DCLK2: variants seen among roughly 807,000 people sequenced by gnomAD.
DCLK2 encodes the protein doublecortin like kinase 2.
Under a neutral mutation model 78.4 loss-of-function variants are expected in DCLK2, and 31 were observed. The ratio of observed to expected loss-of-function variants is 0.40; its 90% CI spans 0.30 to 0.53. The LOEUF (loss-of-function observed/expected upper bound fraction) is 0.53. Among genes scored for constraint, DCLK2 ranks in the 20% least tolerant of loss-of-function variants. DCLK2 has a pLI of 0.61. For synonymous variants in DCLK2, 407 were observed against 374.9 expected (o/e 1.09, Z -0.99); for missense variants, 872 against 973.7 (o/e 0.90, Z 1.39).
At chr4:150,176,093 CCTTG>C (rs1401082535) in intron 2 of DCLK2, among the ~76,000 whole-genome samples, 1 of 152,182 alleles carries the variant, frequency 6.6e-6, no homozygotes, top group African/African-American at 2.4e-5. Flanking sequence ...ATGTTCGAAT[CCTTG>C]CTTCTGTGCT....
At chr4:150,213,216 C>A (rs1281578689) in intron 5 of DCLK2, among the ~76,000 whole-genome samples, 1 of 152,162 alleles carries the variant, frequency 6.6e-6, no homozygotes, top group Non-Finnish European at 1.5e-5. Flanking sequence ...CACACTGCCC[C>A]TTTGATAGAC....
At chr4:150,246,889 G>A (rs1224058965) in intron 12 of DCLK2, among the ~76,000 whole-genome samples, 5 of 152,140 alleles carry the variant, frequency 3.3e-5, no homozygotes, top group Non-Finnish European at 1.5e-5. Flanking sequence ...GCCTCAGCCT[G>A]TGCCATTCTG....
Position 150,256,391 on chromosome 4 carries a change from C to G in DCLK2, c.*144C>G. 1.7e-5 allele frequency: 20 copies of G among 1,145,850 alleles called. No individual in the cohort carries two copies. Among genetic ancestry groups the G allele is most frequent in the Non-Finnish European group, 2.1e-5 (18 of 842,472 alleles). 71.0% of individuals were successfully genotyped at this position (1,145,850 alleles called of 1,614,324 possible). ...GGTCCTCCGCAGGCCGCCTGGGAAC[C>G]GGAGCCTGGCGTGCCGGAGCCTGGC... On this transcript the variant is annotated 3_prime_UTR_variant, in exon 16 of 16. Transcript: ENST00000296550.
intron 2 of DCLK2, among the ~76,000 whole-genome samples, chr4:150,159,537 G>A (rs138872524): frequency 0.016 from 2,381 of 152,322 alleles, 120 homozygotes; most frequent in Admixed American, 0.057. Flanking sequence ...GGCATGTGGT[G>A]GGGGTGTAGT....
At chr4:150,119,545 T>TC (rs772213652) in intron 2 of DCLK2, among the ~76,000 whole-genome samples, 5 of 152,240 alleles carry the variant, frequency 3.3e-5, no homozygotes, top group Non-Finnish European at 7.3e-5. Flanking sequence ...TGCACGCACT[T>TC]CATTTGTTTT....
chr4:150,239,329 A>T (rs1426359392), intron 10 of DCLK2, among the ~76,000 whole-genome samples: 1 of 152,144 alleles, frequency 6.6e-6, no homozygotes, highest in Non-Finnish European at 1.5e-5. Context: ...CGGGCACGGT[A>T]GCTCATGCCT....
At chr4:150,249,348 G>A (rs1012771191) in intron 14 of DCLK2, among the ~76,000 whole-genome samples, 3 of 152,078 alleles carry the variant, frequency 2.0e-5, no homozygotes, top group Non-Finnish European at 4.4e-5. Flanking sequence ...GTCCTGAGGG[G>A]CAGAGGGAAT....
intron 12 of DCLK2, among the ~76,000 whole-genome samples, chr4:150,246,305 C>A (rs1470489794): frequency 4.6e-5 from 7 of 152,130 alleles, no homozygotes; most frequent in Non-Finnish European, 8.8e-5. Context: ...CCTTGGCCTC[C>A]CAGAGTGTTG....
rs557488364 is a variant in DCLK2, at chr4:150,170,936, G to GA, written c.757-22192dup. On this transcript the variant is annotated intron_variant, in intron 2 of 15. Coordinates refer to ENST00000296550, the MANE Select transcript of DCLK2 (RefSeq NM_001040260.4). ...TGCAGAAATTAAAGTAACAGTCACT[G>GA]AAAAAAAAAATTCTGCCCAGTTTCA... is the stretch of plus-strand genomic sequence containing the variant. Among the ~76,000 whole-genome samples the GA allele has an allele frequency of 1.9e-4, 29 of 150,686 alleles. 1 individual carries two copies. The South Asian group carries it at 2.7e-3, about 14-fold the overall frequency.
rs1429680987 is a variant in DCLK2 at position 150,175,066 on chromosome 4, A to ATATATATT, written c.757-18056_757-18049dup. ...TATTTATATATTTATATATATATTT[A>ATATATATT]TATATATTTATATATTTATATATAT... On this transcript the variant is annotated intron_variant, in intron 2 of 15. Coordinates refer to ENST00000296550, the MANE Select transcript of DCLK2 (RefSeq NM_001040260.4). Among the ~76,000 whole-genome samples, 18 of 10,062 alleles carry ATATATATT rather than the reference A, an allele frequency of 1.8e-3. 1 individual carries two copies. In the Admixed American group the frequency reaches 0.019, roughly 11 times the overall value. 6.6% of individuals were successfully genotyped at this position (10,062 alleles called of 152,430 possible).
intron 2 of DCLK2, among the ~76,000 whole-genome samples, chr4:150,131,577 A>G (rs1375228021): frequency 6.6e-6 from 1 of 152,096 alleles, no homozygotes; most frequent in Non-Finnish European, 1.5e-5. Flanking sequence ...TAAGAAAATA[A>G]TTGGGGTCCC....
At chr4:150,170,405 C>T (rs1016200402) in intron 2 of DCLK2, among the ~76,000 whole-genome samples, 11 of 151,890 alleles carry the variant, frequency 7.2e-5, no homozygotes, top group Non-Finnish European at 1.2e-4. Flanking sequence ...TTAGCTGGGG[C>T]GAGGATAAGG....
At chr4:150,207,741 TGA>T (rs1482242303) in intron 5 of DCLK2, among the ~76,000 whole-genome samples, 1 of 152,174 alleles carries the variant, frequency 6.6e-6, no homozygotes, top group Non-Finnish European at 1.5e-5. Context: ...TTAGGACAAC[TGA>T]GAGTTAGTGG....
At chr4:150,217,263 C>T (rs567492557) in intron 5 of DCLK2, among the ~76,000 whole-genome samples, 26 of 152,292 alleles carry the variant, frequency 1.7e-4, no homozygotes, top group African/African-American at 6.0e-4. Context: ...TTTCATTGCT[C>T]TTTGTCTGCA....
chr4:150,228,894 C>T (rs552328849), intron 8 of DCLK2, among the ~76,000 whole-genome samples: 254 of 151,958 alleles, frequency 1.7e-3, no homozygotes, highest in African/African-American at 5.9e-3. Context: ...GGCGCGGTGG[C>T]GGGCGCCTGT....
intron 2 of DCLK2, among the ~76,000 whole-genome samples, chr4:150,185,972 A>C (rs1737901354): frequency 6.6e-6 from 1 of 152,152 alleles, no homozygotes; most frequent in African/African-American, 2.4e-5. Context: ...GTTATTTTTC[A>C]CTTGGATGTT....
At chr4:150,161,927 G>A (rs1030738437) in intron 2 of DCLK2, among the ~76,000 whole-genome samples, 1 of 152,134 alleles carries the variant, frequency 6.6e-6, no homozygotes, top group African/African-American at 2.4e-5. Flanking sequence ...GGGGCTTATG[G>A]CTTTGTAGTT....
intron 1 of DCLK2, among the ~76,000 whole-genome samples, chr4:150,094,611 G>C (rs1730331909): frequency 6.6e-6 from 1 of 152,172 alleles, no homozygotes; most frequent in Admixed American, 6.5e-5. Flanking sequence ...GCCTGACCCT[G>C]AGCCTCCCAA....
At chr4:150,253,242 G>A (rs1255581193) in intron 15 of DCLK2, 1 of 530,568 alleles carries the variant, frequency 1.9e-6, no homozygotes, top group Admixed American at 2.0e-5. Context: ...GAGACTGTGG[G>A]GCCAACCTGG....
Sources: gnomAD v4.1 joint callset for allele counts (sites outside exome capture counted in the v4.1 genomes callset) on GRCh38, gnomAD v4.1.1 for gene constraint, MANE v1.5 for transcripts, NCBI Gene and HGNC (gene_info 2026-07-23, HGNC 2026-07-21) for gene names.